Variants in MED13L observed in about 807,000 individuals in gnomAD.
MED13L encodes mediator of RNA polymerase II transcription subunit 13-like.
In MED13L, 7 loss-of-function variants were observed where a neutral mutation model predicts 220.9. The observed-to-expected ratio is 0.03, with a 90% confidence interval of 0.02 to 0.06. MED13L has a LOEUF of 0.06. Among genes scored for constraint, MED13L ranks in the 10% least tolerant of loss-of-function variants. The pLI, the probability that MED13L is intolerant of heterozygous loss-of-function variation, is 1.00. For synonymous variants in MED13L, 1,011 were observed against 1,015.2 expected (o/e 1.00, Z 0.08); for missense variants, 1,965 against 2,760.5 (o/e 0.71, Z 6.46).
At chr12:115,984,137 T>C (rs748544716) in intron 20 of MED13L, 43 bp downstream of exon 20, 2 of 1,594,070 alleles carry the variant, frequency 1.3e-6, no homozygotes, top group Non-Finnish European at 1.7e-6. Context: ...GATTTGCTAT[T>C]TTACTTCTCC....
chr12:116,273,703 T>G (rs1178024422), intron 1 of MED13L, among the ~76,000 whole-genome samples: 1 of 152,204 alleles, frequency 6.6e-6, no homozygotes, highest in Admixed American at 6.5e-5. Context: ...TTATCCATAG[T>G]CAGGAAGATT....
chr12:116,251,091 AAATGG>A (rs1443017267), intron 1 of MED13L, among the ~76,000 whole-genome samples: 1 of 151,556 alleles, frequency 6.6e-6, no homozygotes, highest in Non-Finnish European at 1.5e-5. Flanking sequence ...GATAAATAAT[AAATGG>A]AGCCATAAAA....
intron 8 of MED13L, among the ~76,000 whole-genome samples, chr12:116,014,691 A>G (rs983573278): frequency 6.6e-6 from 1 of 152,154 alleles, no homozygotes; most frequent in East Asian, 1.9e-4. Context: ...ATGTATTGTT[A>G]ATTACAACTA....
At chr12:116,180,621 A>T (rs1004275897) in intron 2 of MED13L, among the ~76,000 whole-genome samples, 4 of 151,852 alleles carry the variant, frequency 2.6e-5, no homozygotes, top group African/African-American at 9.7e-5. Flanking sequence ...TCTGGCAGAG[A>T]TGAAGTATCC....
intron 2 of MED13L, among the ~76,000 whole-genome samples, chr12:116,183,053 G>GA (rs917194082): frequency 5.6e-4 from 84 of 149,094 alleles, no homozygotes; most frequent in Non-Finnish European, 9.2e-4. Context: ...TTACAAATTT[G>GA]AAAAAAAAAT....
At chr12:115,994,970 C>A (rs541090927) in intron 16 of MED13L, among the ~76,000 whole-genome samples, 1 of 152,274 alleles carries the variant, frequency 6.6e-6, no homozygotes, top group Admixed American at 6.5e-5. Flanking sequence ...GGAAGACCCA[C>A]GTAAAATGGT....
At chr12:115,980,347 CT>C (rs1877239997) in intron 23 of MED13L, 3 of 189,212 alleles carry the variant, frequency 1.6e-5, no homozygotes, top group South Asian at 1.1e-4. Context: ...TTATTCCCCC[CT>C]GAGACAGGGT....
intron 2 of MED13L, among the ~76,000 whole-genome samples, chr12:116,168,657 A>G (rs1350060309): frequency 1.3e-5 from 2 of 152,210 alleles, no homozygotes; most frequent in African/African-American, 4.8e-5. Flanking sequence ...ATACAAATCA[A>G]CTTCTTTCTG....
At chr12:116,244,517 G>T (rs1870931650) in intron 1 of MED13L, among the ~76,000 whole-genome samples, 1 of 152,164 alleles carries the variant, frequency 6.6e-6, no homozygotes, top group Non-Finnish European at 1.5e-5. Context: ...TAAGAAAACT[G>T]AATCCTAAAC....
chr12:115,983,655 AT>A, intron 20 of MED13L, 115 bp from the exon 21 acceptor site: 1 of 1,112,038 alleles, frequency 9.0e-7, no homozygotes, highest in Non-Finnish European at 1.3e-6. Flanking sequence ...CAATACTCTG[AT>A]TACAATACCC....
intron 2 of MED13L, among the ~76,000 whole-genome samples, chr12:116,125,329 G>C (rs1875489040): frequency 6.6e-6 from 1 of 152,018 alleles, no homozygotes; most frequent in Non-Finnish European, 1.5e-5. Flanking sequence ...CAATGCAAAC[G>C]GTTATGTACA....
chr12:116,171,263 G>C (rs1879664008), intron 2 of MED13L, among the ~76,000 whole-genome samples: 1 of 152,298 alleles, frequency 6.6e-6, no homozygotes, highest in East Asian at 1.9e-4. Context: ...ACTGGAAAGT[G>C]ATGCCTGGAA....
chr12:116,009,163 T>C, intron 9 of MED13L, 31 bp from the exon 10 acceptor site: 4 of 1,612,680 alleles, frequency 2.5e-6, no homozygotes, highest in Middle Eastern at 3.3e-4. Flanking sequence ...TACATCATTA[T>C]AACATTAAGA....
intron 2 of MED13L, among the ~76,000 whole-genome samples, chr12:116,220,614 A>C (rs1287717563): frequency 1.3e-5 from 2 of 151,998 alleles, no homozygotes; most frequent in South Asian, 2.1e-4. Context: ...CAGGAGAACC[A>C]CTTGATCCCG....
chr12:116,046,644 TTCTA>T (rs1161488147), intron 4 of MED13L, among the ~76,000 whole-genome samples: 1 of 152,228 alleles, frequency 6.6e-6, no homozygotes, highest in Non-Finnish European at 1.5e-5. Flanking sequence ...TCATTCTCAC[TTCTA>T]TCTGTGTACG....
Position 115,996,489 on chromosome 12 carries a change from T to C in MED13L, c.2983A>G (p.Arg995Gly). The change falls in exon 16 of 31, where the codon AGA (arginine) becomes GGA (glycine). Residue 995 changes from arginine (R) to glycine (G), a missense_variant. Transcript: ENST00000281928. ...CCCTATACATACTTGTAGCCATCTC[T>C]AATGAAAGTGGCTGCAGGGGGCATG... ...LPMPPAATFI[R>G]DGYNNVPSVG... 1 of 1,613,524 alleles carries C rather than the reference T, an allele frequency of 6.2e-7. No individual in the cohort carries two copies. The highest frequency in any genetic ancestry group is 8.5e-7 in the Non-Finnish European group (1 of 1,179,380).
chr12:116,082,175 C>T (rs1871282792), intron 4 of MED13L, among the ~76,000 whole-genome samples: 1 of 152,162 alleles, frequency 6.6e-6, no homozygotes, highest in Non-Finnish European at 1.5e-5. Context: ...CAATTTTCCA[C>T]TTATTCTTTC....
chr12:116,033,650 T>C (rs190609265), intron 4 of MED13L, among the ~76,000 whole-genome samples: 14 of 152,284 alleles, frequency 9.2e-5, no homozygotes, highest in Middle Eastern at 3.4e-3. Flanking sequence ...AGTTTGTGAG[T>C]AGTACAAGAT....
At chr12:116,037,755 T>A (rs1031730044) in intron 4 of MED13L, among the ~76,000 whole-genome samples, 3 of 152,184 alleles carry the variant, frequency 2.0e-5, no homozygotes, top group Admixed American at 6.5e-5. Flanking sequence ...CCTACGGGAC[T>A]TAATTCTCCC....
Sources: gnomAD v4.1 joint callset for allele counts (sites outside exome capture counted in the v4.1 genomes callset) on GRCh38, gnomAD v4.1.1 for gene constraint, MANE v1.5 for transcripts, NCBI Gene and HGNC (gene_info 2026-07-23, HGNC 2026-07-21) for gene names.